The following RBFOX1 variants were observed in gnomAD, a reference collection of about 807,000 sequenced individuals.
RBFOX1 encodes RNA binding protein fox-1 homolog 1.
RBFOX1 carries 8 observed loss-of-function variants against 57.7 expected under a neutral mutation model. The ratio of observed to expected loss-of-function variants is 0.14; its 90% confidence interval spans 0.08 to 0.25. The LOEUF (loss-of-function observed/expected upper bound fraction) is 0.25. RBFOX1 is among the 10% of genes least tolerant of loss of function. The pLI, the probability that RBFOX1 is intolerant of heterozygous loss-of-function variation, is 1.00. For synonymous variants in RBFOX1, 326 were observed against 222.4 expected, an observed-to-expected ratio of 1.47 and a Z score of -4.15; for missense variants, 611 against 548.5, an observed-to-expected ratio of 1.11 and a Z score of -1.14.
intron 3 of RBFOX1, among the ~76,000 whole-genome samples, chr16:6,754,390 A>T (rs1377984092): frequency 6.6e-6 from 1 of 152,198 alleles, no homozygotes; most frequent in Non-Finnish European, 1.5e-5. Flanking sequence ...TTGTAAAAGC[A>T]AAGTCATCTT....
chr16:6,311,012 C>A (rs192753447), intron 1 of RBFOX1, among the ~76,000 whole-genome samples: 1 of 151,968 alleles, frequency 6.6e-6, no homozygotes, highest in East Asian at 1.9e-4. Flanking sequence ...GAACTATTGG[C>A]TTGCCTGGAT....
intron 1 of RBFOX1, among the ~76,000 whole-genome samples, chr16:6,313,062 A>G (rs1282175053): frequency 6.6e-6 from 1 of 152,154 alleles, no homozygotes; most frequent in East Asian, 1.9e-4. Flanking sequence ...CACTGGAGTT[A>G]ATTAGGTGCT....
chr16:6,016,223 G>A (rs1489225367), upstream of RBFOX1, among the ~76,000 whole-genome samples: 1 of 152,226 alleles, frequency 6.6e-6, no homozygotes, highest in Non-Finnish European at 1.5e-5. Flanking sequence ...AAATGGAGGT[G>A]TTAGAGGAGT....
chr16:7,515,067 A>G (rs1034767569), intron 4 of RBFOX1, among the ~76,000 whole-genome samples: 5 of 152,148 alleles, frequency 3.3e-5, no homozygotes, highest in Non-Finnish European at 7.3e-5. Context: ...GGAGGCAGAA[A>G]CAGATCTTTG....
At chr16:6,754,606 T>TTG (rs2075485821) in intron 3 of RBFOX1, among the ~76,000 whole-genome samples, 1 of 152,154 alleles carries the variant, frequency 6.6e-6, no homozygotes, top group African/African-American at 2.4e-5. Context: ...GGTTGTGTCT[T>TTG]GTTGAATTTT....
chr16:5,711,317 G>T (rs1176727564), intron 3 of RBFOX1, among the ~76,000 whole-genome samples: 8 of 152,210 alleles, frequency 5.3e-5, no homozygotes, highest in Admixed American at 5.2e-4. Flanking sequence ...GGCACAGAGA[G>T]GTTAAGTGGC....
intron 4 of RBFOX1, among the ~76,000 whole-genome samples, chr16:7,375,343 G>T (rs1419385554): frequency 3.3e-5 from 5 of 152,200 alleles, no homozygotes; most frequent in Admixed American, 1.3e-4. Context: ...TTTTGCTTCT[G>T]ATAATTATAG....
intron 1 of RBFOX1, among the ~76,000 whole-genome samples, chr16:6,117,851 T>C (rs75514260): frequency 0.013 from 2,005 of 152,350 alleles, 43 homozygotes; most frequent in African/African-American, 0.046. Flanking sequence ...TTATGTATTC[T>C]ACTTCCCCTA....
chr16:7,393,250 C>G (rs929083524), intron 4 of RBFOX1, among the ~76,000 whole-genome samples: 4 of 152,154 alleles, frequency 2.6e-5, no homozygotes, highest in African/African-American at 7.2e-5. Context: ...GATGGAAGAG[C>G]TATGGCCCAT....
At chr16:5,961,099 C>T (rs2059738697) in intron 4 of RBFOX1, among the ~76,000 whole-genome samples, 2 of 152,174 alleles carry the variant, frequency 1.3e-5, no homozygotes, top group African/African-American at 4.8e-5. Context: ...GCTTTTCTAA[C>T]CTCTCACAAC....
chr16:6,090,712 A>C (rs913514192), intron 1 of RBFOX1, among the ~76,000 whole-genome samples: 22 of 152,310 alleles, frequency 1.4e-4, no homozygotes, highest in Admixed American at 9.8e-4. Context: ...TGCCATCTCT[A>C]ATTAGCTCCA....
intron 1 of RBFOX1, among the ~76,000 whole-genome samples, chr16:6,280,984 T>G (rs113044631): frequency 1.4e-4 from 22 of 151,858 alleles, no homozygotes; most frequent in African/African-American, 5.3e-4. Context: ...TGTGTATATA[T>G]ATGTGTGTGT....
chr16:6,222,662 G>A (rs2097383364), intron 1 of RBFOX1, among the ~76,000 whole-genome samples: 1 of 147,472 alleles, frequency 6.8e-6, no homozygotes. Flanking sequence ...GTCTTGGGTA[G>A]AATGTAAGAA....
chr16:7,574,305 G>T (rs1462372098), intron 5 of RBFOX1, among the ~76,000 whole-genome samples: 1 of 152,186 alleles, frequency 6.6e-6, no homozygotes, highest in Non-Finnish European at 1.5e-5. Flanking sequence ...CTGTATCAGG[G>T]TTCTCTAGAG....
At chr16:6,209,980 G>A (rs180783234) in intron 1 of RBFOX1, among the ~76,000 whole-genome samples, 2 of 152,122 alleles carry the variant, frequency 1.3e-5, no homozygotes, top group Non-Finnish European at 2.9e-5. Flanking sequence ...TACTTTAAAA[G>A]ATTTTATATT....
At chr16:7,471,108 A>G (rs1411253861) in intron 4 of RBFOX1, among the ~76,000 whole-genome samples, 2 of 152,112 alleles carry the variant, frequency 1.3e-5, no homozygotes, top group Admixed American at 1.3e-4. Context: ...TATAAAGATA[A>G]CCACAGTAAC....
At position 6,954,978 on chromosome 16, in the gene RBFOX1, C is replaced by G. The variant is rs550036495; in HGVS notation, c.-15-97079C>G. Among the ~76,000 whole-genome samples, 36 of 151,762 alleles carry G rather than the reference C, an allele frequency of 2.4e-4. No individual in the cohort carries two copies. In the East Asian group the frequency reaches 5.4e-3, roughly 23 times the overall value. On this transcript the variant is annotated intron_variant, in intron 3 of 15. Transcript: ENST00000550418. ...GGGTGTGGTGGCTCGTGCCCATAAT[C>G]TGAGTACTTTGGGAGACTGAGGCAG...
intron 3 of RBFOX1, among the ~76,000 whole-genome samples, chr16:5,786,498 C>T (rs771372481): frequency 1.3e-5 from 2 of 152,134 alleles, no homozygotes; most frequent in Non-Finnish European, 2.9e-5. Context: ...AGGAGATGTG[C>T]CGTGTGTCAG....
chr16:5,791,905 C>T (rs374956684), intron 3 of RBFOX1, among the ~76,000 whole-genome samples: 6 of 152,128 alleles, frequency 3.9e-5, no homozygotes, highest in African/African-American at 1.2e-4. Flanking sequence ...TTGGGAAGAA[C>T]CAGCAAGATG....
Sources: gnomAD v4.1 joint callset for allele counts (sites outside exome capture counted in the v4.1 genomes callset) on GRCh38, gnomAD v4.1.1 for gene constraint, MANE v1.5 for transcripts, NCBI Gene and HGNC (gene_info 2026-07-23, HGNC 2026-07-21) for gene names.